DGUOK: variants seen among roughly 807,000 people sequenced by gnomAD.
DGUOK encodes the protein deoxyguanosine kinase.
A neutral mutation model predicts 36.6 loss-of-function variants in DGUOK; 30 were observed. The observed-to-expected ratio is 0.82, with a 90% CI of 0.61 to 1.11. The LOEUF (loss-of-function observed/expected upper bound fraction) is 1.11, where lower values mean the gene tolerates loss of function less well. DGUOK is among the 50% of genes most tolerant of loss of function. The pLI is 0.00. For synonymous variants in DGUOK, 145 were observed against 126.3 expected, an observed-to-expected ratio of 1.15 and a Z score of -0.99; for missense variants, 361 against 336.4, an observed-to-expected ratio of 1.07 and a Z score of -0.57.
chr2:73,951,551 G>A (rs999223754), intron 4 of DGUOK, among the ~76,000 whole-genome samples: 1 of 152,138 alleles, frequency 6.6e-6, no homozygotes, highest in Non-Finnish European at 1.5e-5. Flanking sequence ...TTAGAAGGAA[G>A]GAAAGCTGTC....
chr2:73,942,779 CATT>C (rs1458035108), intron 2 of DGUOK, among the ~76,000 whole-genome samples: 1 of 152,158 alleles, frequency 6.6e-6, no homozygotes, highest in Non-Finnish European at 1.5e-5. Flanking sequence ...CTTGTTCTGT[CATT>C]AATGAAACTG....
chr2:73,947,016 T>C, intron 3 of DGUOK, 110 bp downstream of exon 3: 1 of 1,055,058 alleles, frequency 9.5e-7, no homozygotes, highest in Non-Finnish European at 1.4e-6. Flanking sequence ...ATTTGAAAAA[T>C]TATCTTCTTT....
chr2:73,928,284 C>T (rs1326546422), intron 1 of DGUOK, among the ~76,000 whole-genome samples: 3 of 152,172 alleles, frequency 2.0e-5, no homozygotes, highest in Admixed American at 2.0e-4. Context: ...CCCGCCACCA[C>T]ACCCAGTTAA....
chr2:73,946,762 A>C lies in DGUOK; in HGVS notation c.299A>C (p.Tyr100Ser), dbSNP rs746603685. ...QSLGNLLDMM[Y>S]REPARWSYTF... ...CTTGGAAACTTGCTGGATATGATGT[A>C]CCGGGAGCCAGCACGATGGTCCTAC... is the stretch of plus-strand genomic sequence containing the variant. The change falls in exon 3 of 7, where the codon TAC becomes TCC. Residue 100 changes from tyrosine (Y) to serine (S), a missense_variant. Transcript: ENST00000264093. The C allele has an allele frequency of 1.2e-6, 2 of 1,614,092 alleles. No homozygotes were observed. Among genetic ancestry groups the C allele is most frequent in the South Asian group, 2.2e-5 (2 of 91,070 alleles).
intron 3 of DGUOK, among the ~76,000 whole-genome samples, chr2:73,950,012 C>T (rs748450212): frequency 3.9e-5 from 6 of 152,168 alleles, no homozygotes; most frequent in Non-Finnish European, 7.3e-5. Flanking sequence ...CTTAGTAATA[C>T]TGAAATTAGT....
intron 4 of DGUOK, among the ~76,000 whole-genome samples, chr2:73,954,603 G>A (rs1198322127): frequency 6.6e-6 from 1 of 152,106 alleles, no homozygotes; most frequent in Non-Finnish European, 1.5e-5. Context: ...GGAATCAAGA[G>A]AGTGCAGCTG....
At chr2:73,944,512 G>T (rs73947455) in intron 2 of DGUOK, among the ~76,000 whole-genome samples, 1 of 152,030 alleles carries the variant, frequency 6.6e-6, no homozygotes, top group African/African-American at 2.4e-5. Flanking sequence ...CAGCAAGGCC[G>T]TATCTTTTGT....
intron 5 of DGUOK, 88 bp downstream of exon 5, chr2:73,957,328 G>A (rs1683187801): frequency 2.1e-6 from 2 of 945,884 alleles, no homozygotes; most frequent in Admixed American, 4.0e-5. Flanking sequence ...GCAGCCCCCT[G>A]TAGGAAGGTT....
intron 1 of DGUOK, among the ~76,000 whole-genome samples, chr2:73,933,909 T>TA (rs1425062823): frequency 2.0e-5 from 3 of 152,186 alleles, no homozygotes; most frequent in Non-Finnish European, 4.4e-5. Context: ...AATAAAGACT[T>TA]CAATTTTTTT....
intron 1 of DGUOK, chr2:73,932,814 A>G (rs975255117): frequency 5.8e-5 from 21 of 364,498 alleles, no homozygotes; most frequent in Non-Finnish European, 2.0e-5. Flanking sequence ...AGCATGACTT[A>G]CGAAGCCATA....
intron 4 of DGUOK, among the ~76,000 whole-genome samples, chr2:73,954,166 AG>A (rs961783651): frequency 9.2e-5 from 14 of 152,066 alleles, no homozygotes; most frequent in African/African-American, 3.4e-4. Context: ...ACATAGTGAG[AG>A]CCCCCTGCCC....
chr2:73,939,739 C>G (rs1311848003), intron 2 of DGUOK, among the ~76,000 whole-genome samples: 1 of 152,236 alleles, frequency 6.6e-6, no homozygotes, highest in African/African-American at 2.4e-5. Flanking sequence ...GTTCTTAACT[C>G]TAATTACTAA....
intron 6 of DGUOK, 101 bp downstream of exon 6, chr2:73,958,346 T>C: frequency 1.1e-6 from 1 of 883,452 alleles, no homozygotes; most frequent in Non-Finnish European, 1.9e-6. Flanking sequence ...TCTTGTGCTT[T>C]GCATCTCACA....
At chr2:73,931,809 G>A (rs1463661543) in intron 1 of DGUOK, among the ~76,000 whole-genome samples, 3 of 152,192 alleles carry the variant, frequency 2.0e-5, no homozygotes, top group African/African-American at 7.2e-5. Context: ...GTGGCTATTG[G>A]AGTAATTGGA....
chr2:73,953,719 CTTTTTT>C (rs386390474), intron 4 of DGUOK, among the ~76,000 whole-genome samples: 4 of 95,786 alleles, frequency 4.2e-5, no homozygotes, highest in Non-Finnish European at 3.9e-5. Context: ...TCCCTAACTT[CTTTTTT>C]TTTTTTTTTT....
chr2:73,954,458 C>T (rs1363569262), intron 4 of DGUOK, among the ~76,000 whole-genome samples: 1 of 152,000 alleles, frequency 6.6e-6, no homozygotes, highest in African/African-American at 2.4e-5. Flanking sequence ...TTGCTTGAGG[C>T]CAGGAGCTCA....
chr2:73,932,965 C>T (rs915357080), intron 1 of DGUOK, among the ~76,000 whole-genome samples: 1 of 152,126 alleles, frequency 6.6e-6, no homozygotes, highest in East Asian at 1.9e-4. Flanking sequence ...CGATTACAAG[C>T]GTAAATTGAA....
chr2:73,948,601 G>A (rs1407770256), intron 3 of DGUOK, among the ~76,000 whole-genome samples: 1 of 152,248 alleles, frequency 6.6e-6, no homozygotes, highest in Non-Finnish European at 1.5e-5. Context: ...GCCTAACAGG[G>A]ACTGAACACA....
chr2:73,931,267 G>GT (rs907709112), intron 1 of DGUOK, among the ~76,000 whole-genome samples: 9 of 151,768 alleles, frequency 5.9e-5, no homozygotes, highest in East Asian at 3.9e-4. Flanking sequence ...TTTTTTGGGG[G>GT]TTTTTTTGTT....
Sources: gnomAD v4.1 joint callset for allele counts (sites outside exome capture counted in the v4.1 genomes callset) on GRCh38, gnomAD v4.1.1 for gene constraint, MANE v1.5 for transcripts, NCBI Gene and HGNC (gene_info 2026-07-23, HGNC 2026-07-21) for gene names.